The following PCDHA7 variants were observed in gnomAD, a reference collection of about 807,000 sequenced individuals.
PCDHA7 encodes the protein protocadherin alpha 7, also known as protocadherin alpha-7.
A neutral mutation model predicts 57.2 loss-of-function variants in PCDHA7; 37 were observed. The observed-to-expected ratio is 0.65, with a 90% CI of 0.50 to 0.85. The LOEUF is 0.85. Among genes scored for constraint, PCDHA7 ranks in the 40% least tolerant of loss-of-function variants. PCDHA7 has a pLI of 0.00. For synonymous variants in PCDHA7, 553 were observed against 558.8 expected (o/e 0.99, Z 0.15); for missense variants, 1,188 against 1,241.8 (o/e 0.96, Z 0.65).
At chr5:140,875,648 T>C in intron 1 of PCDHA7, 1 of 1,613,728 alleles carries the variant, frequency 6.2e-7, no homozygotes, top group Non-Finnish European at 8.5e-7. Flanking sequence ...CTGGCGGAGC[T>C]GGTGCCGCGC....
intron 1 of PCDHA7, chr5:140,881,212 G>A: frequency 9.7e-6 from 2 of 206,268 alleles, no homozygotes; most frequent in Non-Finnish European, 1.7e-5. Flanking sequence ...TCTAGCTGTT[G>A]TTTCTTGGAA....
At position 140,850,009 on chromosome 5, in the gene PCDHA7, C is replaced by G. The variant is rs2150463255; in HGVS notation, c.2355+13271C>G. The G allele has an allele frequency of 3.8e-5, 61 of 1,596,962 alleles. 4 individuals carry two copies. Among genetic ancestry groups the G allele is most frequent in the Non-Finnish European group, 5.1e-5 (60 of 1,167,842 alleles). On this transcript the variant is annotated intron_variant, in intron 1 of 3. Transcript: ENST00000525929. ...CGGCGGTTGGGCGAGCGCTCGCTGT[C>G]GAGCTACGTGTCAGTGCACGCGGAG...
chr5:140,851,858 A>T, intron 1 of PCDHA7: 3 of 973,970 alleles, frequency 3.1e-6, no homozygotes, highest in Non-Finnish European at 3.7e-6. Flanking sequence ...CTCTCAGCTC[A>T]TACATAACAC....
chr5:140,882,369 C>G (rs1554173809), intron 1 of PCDHA7: 4 of 1,614,104 alleles, frequency 2.5e-6, no homozygotes, highest in African/African-American at 1.3e-5. Flanking sequence ...CTCCACTACT[C>G]CGTCCCCGAG....
At chr5:140,858,625 T>A (rs2045528405) in intron 1 of PCDHA7, 1 of 1,095,156 alleles carries the variant, frequency 9.1e-7, no homozygotes, top group South Asian at 1.7e-5. Flanking sequence ...CTACCCAGTG[T>A]GTCAGCCTTT....
intron 1 of PCDHA7, chr5:140,841,234 C>A: frequency 6.8e-7 from 1 of 1,471,288 alleles, no homozygotes. Context: ...ACGGGAGATG[C>A]AGCGGAATTG....
chr5:140,835,741 C>T lies in PCDHA7; in HGVS notation c.1358C>T (p.Pro453Leu), dbSNP rs2150243716. ...GTGGCCGACGTGAACGACAACGCCC[C>T]GGCGTTCGCGCAGCCCGAGTATACG... is the stretch of plus-strand genomic sequence containing the variant. ...VEVADVNDNA[P>L]AFAQPEYTVF... is the part of the protein sequence containing the mutation. The change falls in exon 1 of 4, where the codon CCG (proline) becomes CTG (leucine). Residue 453 changes from proline to leucine, a missense_variant. Physicochemically the swap from Pro to Leu is moderately conservative, Grantham distance 98. Coordinates refer to ENST00000525929, the MANE Select transcript of PCDHA7 (RefSeq NM_018910.3). 4.3e-6 allele frequency: 7 copies of T among 1,613,704 alleles called. No homozygotes were observed. In the East Asian group the frequency reaches 6.7e-5, roughly 15 times the overall value.
At position 140,857,729 on chromosome 5, in the gene PCDHA7, G is replaced by A. The variant is rs782508750; in HGVS notation, c.2355+20991G>A. 1.8e-5 allele frequency: 29 copies of A among 1,597,292 alleles called. 3 individuals are homozygous for A. The highest frequency in any genetic ancestry group is 1.3e-5 in the African/African-American group (1 of 74,288). ...GTTCGTGCTGGACGAGAACGACAACGCTCCCGCGCTGCTGGCGTCTCCCGC... is the reference window on the plus strand; with the variant it reads ...GTTCGTGCTGGACGAGAACGACAACACTCCCGCGCTGCTGGCGTCTCCCGC... On this transcript the variant is annotated intron_variant, in intron 1 of 3. Transcript: ENST00000525929.
intron 1 of PCDHA7, chr5:140,859,549 C>A (rs958434264): frequency 5.0e-5 from 9 of 181,676 alleles, no homozygotes; most frequent in Non-Finnish European, 9.0e-5. Context: ...CTAGTGTTAC[C>A]AAACACCAAT....
intron 1 of PCDHA7, among the ~76,000 whole-genome samples, chr5:140,838,077 A>ATAGTGT (rs1203070308): frequency 7.4e-5 from 6 of 80,664 alleles, no homozygotes; most frequent in Non-Finnish European, 1.5e-4. Flanking sequence ...ATATATATAT[A>ATAGTGT]GTGTGTGTGT....
At chr5:140,969,601 T>C (rs2096345611) in intron 1 of PCDHA7, 1 of 772,836 alleles carries the variant, frequency 1.3e-6, no homozygotes, top group African/African-American at 1.8e-5. Flanking sequence ...TATTTAATGC[T>C]AAAACACAGA....
chr5:140,933,388 GCCATCTGGTTA>G (rs1563137793), intron 1 of PCDHA7, among the ~76,000 whole-genome samples: 2 of 151,906 alleles, frequency 1.3e-5, no homozygotes, highest in Non-Finnish European at 2.9e-5. Context: ...TGTTCCTAGA[GCCATCTGGTTA>G]CCATCTACAG....
At chr5:140,850,426 G>A (rs2150483795) in intron 1 of PCDHA7, 1 of 1,597,836 alleles carries the variant, frequency 6.3e-7, no homozygotes, top group Non-Finnish European at 8.6e-7. Flanking sequence ...GACGCACCGC[G>A]CCAGCGCCTA....
At chr5:140,851,813 A>T (rs2042166057) in intron 1 of PCDHA7, 1 of 954,990 alleles carries the variant, frequency 1.0e-6, no homozygotes, top group Non-Finnish European at 1.3e-6. Context: ...AATCCATAAG[A>T]CAGAAATCTG....
intron 1 of PCDHA7, chr5:140,969,456 A>G (rs963968770): frequency 4.0e-6 from 6 of 1,508,992 alleles, no homozygotes; most frequent in Admixed American, 2.2e-5. Flanking sequence ...CTGAGTATAT[A>G]TAGTATCCAC....
intron 1 of PCDHA7, chr5:140,969,240 C>T: frequency 6.2e-7 from 1 of 1,614,198 alleles, no homozygotes; most frequent in South Asian, 1.1e-5. Context: ...GCCCAAGCAG[C>T]AGTGACTGAC....
chr5:140,850,879 C>A (rs2150501286), intron 1 of PCDHA7: 1 of 1,586,914 alleles, frequency 6.3e-7, no homozygotes, highest in South Asian at 1.1e-5. Context: ...TCCTCAGATT[C>A]AACTGGGAAG....
At chr5:140,838,083 T>TA (rs1554136873) in intron 1 of PCDHA7, among the ~76,000 whole-genome samples, 32 of 31,830 alleles carry the variant, frequency 1.0e-3, no homozygotes, top group African/African-American at 3.5e-3. Flanking sequence ...ATATAGTGTG[T>TA]GTGTGTGTGT....
At chr5:140,887,612 G>A (rs2061514716) in intron 1 of PCDHA7, among the ~76,000 whole-genome samples, 1 of 151,760 alleles carries the variant, frequency 6.6e-6, no homozygotes, top group East Asian at 1.9e-4. Flanking sequence ...GCTTTAGTAT[G>A]GTTTTCTTTA....
Sources: allele counts gnomAD v4.1 joint callset (sites outside exome capture counted in the v4.1 genomes callset), GRCh38; gene constraint gnomAD v4.1.1; transcripts MANE v1.5; gene names NCBI Gene and HGNC (gene_info 2026-07-23, HGNC 2026-07-21).